Variants in DNAH12 observed in about 807,000 individuals in gnomAD.
The protein encoded by DNAH12 is axonemal beta dynein heavy chain 12.
DNAH12 carries 285 observed loss-of-function variants against 371.5 expected under a neutral mutation model. That is an observed-to-expected ratio of 0.77 (90% confidence interval 0.70 to 0.85). The LOEUF is 0.85. Ranked by LOEUF, DNAH12 falls within the 40% of genes least tolerant of loss-of-function variation. DNAH12 has a pLI of 0.00. For missense variants in DNAH12, 3,611 were observed against 3,689.4 expected (o/e 0.98, Z 0.55); for synonymous variants, 1,200 against 1,213.0 (o/e 0.99, Z 0.22).
intron 2 of DNAH12, among the ~76,000 whole-genome samples, chr3:57,533,042 A>AC (rs1345773873): frequency 1.3e-5 from 2 of 152,126 alleles, no homozygotes; most frequent in African/African-American, 4.8e-5. Context: ...TAGCACTCGA[A>AC]CCATGAGACT....
chr3:57,329,823 G>A (rs1368615502), intron 62 of DNAH12, among the ~76,000 whole-genome samples: 1 of 151,986 alleles, frequency 6.6e-6, no homozygotes, highest in Non-Finnish European at 1.5e-5. Flanking sequence ...TCTGACAAAA[G>A]GCTAATATCC....
intron 35 of DNAH12, among the ~76,000 whole-genome samples, chr3:57,423,902 C>T (rs1325176562): frequency 2.6e-5 from 4 of 151,874 alleles, no homozygotes; most frequent in Non-Finnish European, 5.9e-5. Flanking sequence ...CCACGCCTGG[C>T]TAATTTTTGT....
In DNAH12 at chr3:57,295,564, G is replaced by T; in HGVS notation, c.11653C>A (p.Leu3885Ile). Reference protein sequence around the residue: ...SGLLAEQYPKLLFDLMPIIWI... With the variant: ...SGLLAEQYPKILFDLMPIIWI... Reference sequence around the variant, plus strand: ...ATGATGGGCATCAGGTCAAACAGAAGTTTGGGATATTGTTCAGCAAGCAAT... The same window carrying T: ...ATGATGGGCATCAGGTCAAACAGAATTTTGGGATATTGTTCAGCAAGCAAT... The change falls in exon 73 of 74, where the codon CTT becomes ATT. Residue 3885 changes from leucine (L) to isoleucine (I), a missense_variant. Around this residue, in one of 3 missense-constraint regions of DNAH12, gnomAD observed 2,266 missense variants for 2,236.9 expected, o/e 1.01. Transcript: ENST00000495027. The T allele has an allele frequency of 3.9e-6, 6 of 1,544,448 alleles. No homozygotes were observed. The highest frequency in any genetic ancestry group is 5.2e-6 in the Non-Finnish European group (6 of 1,144,018).
intron 65 of DNAH12, among the ~76,000 whole-genome samples, chr3:57,321,887 G>A (rs1042560206): frequency 2.0e-5 from 3 of 152,040 alleles, no homozygotes; most frequent in Admixed American, 6.6e-5. Flanking sequence ...GTGGATATAC[G>A]AAAAAGCACT....
intron 45 of DNAH12, among the ~76,000 whole-genome samples, chr3:57,390,113 C>T (rs958816395): frequency 4.3e-4 from 64 of 148,710 alleles, no homozygotes; most frequent in Non-Finnish European, 7.3e-4. Flanking sequence ...GGATTACAGG[C>T]GTGAGCCACC....
chr3:57,468,904 A>C lies in DNAH12; in HGVS notation c.2181T>G (p.Ile727Met), dbSNP rs2066282080. Residue 727 changes from isoleucine to methionine, a missense_variant, in exon 17 of 74, where the codon ATT becomes ATG. Physicochemically the swap from Ile to Met is conservative, Grantham distance 10. This residue lies in a region of DNAH12 where 1,314 missense variants were observed against 1,398.7 expected (regional missense o/e 0.94). Transcript: ENST00000495027. ...EADVEEFSRE[I>M]FKTLKFFQTK... ...TTTGGAAAAATTTTAGTGTCTTAAA[A>C]ATTTCTCGGGAAAACTCTTCCACAT... is the stretch of plus-strand genomic sequence containing the variant. 1.3e-6 allele frequency: 2 copies of C among 1,526,344 alleles called. No homozygotes were observed. The highest frequency in any genetic ancestry group is 4.9e-5 in the East Asian group (2 of 40,526). 94.6% of individuals were successfully genotyped at this position (1,526,344 alleles called of 1,614,324 possible).
At chr3:57,344,188 G>A (rs935001891) in intron 60 of DNAH12, among the ~76,000 whole-genome samples, 1 of 152,280 alleles carries the variant, frequency 6.6e-6, no homozygotes, top group Non-Finnish European at 1.5e-5. Flanking sequence ...ATACCCACAG[G>A]TGTGGAGGGG....
At chr3:57,413,489 T>C (rs761262944) in intron 39 of DNAH12, among the ~76,000 whole-genome samples, 13 of 152,064 alleles carry the variant, frequency 8.5e-5, no homozygotes, top group Non-Finnish European at 1.5e-4. Context: ...GTAACAAATG[T>C]GCCAATTTGG....
intron 69 of DNAH12, among the ~76,000 whole-genome samples, chr3:57,304,632 G>A (rs897197832): frequency 2.0e-5 from 3 of 152,086 alleles, no homozygotes; most frequent in Non-Finnish European, 2.9e-5. Flanking sequence ...TTTTAATCAC[G>A]CAGGGGACAC....
chr3:57,336,809 G>A (rs1238277529), intron 60 of DNAH12, among the ~76,000 whole-genome samples: 1 of 152,176 alleles, frequency 6.6e-6, no homozygotes, highest in Non-Finnish European at 1.5e-5. Flanking sequence ...ATGCATCAGA[G>A]GACTGAGGTC....
intron 36 of DNAH12, among the ~76,000 whole-genome samples, chr3:57,420,015 A>G (rs1200524065): frequency 6.6e-6 from 1 of 152,242 alleles, no homozygotes; most frequent in Non-Finnish European, 1.5e-5. Context: ...AATATCACAT[A>G]AAACCACTAT....
At chr3:57,323,425 G>A (rs2061856577) in intron 63 of DNAH12, 44 bp downstream of exon 63, 2 of 1,494,384 alleles carry the variant, frequency 1.3e-6, no homozygotes, top group East Asian at 2.5e-5. Context: ...TGAGCAAGAT[G>A]TTTTATTTAT....
At chr3:57,307,589 T>A (rs9821730) in intron 69 of DNAH12, among the ~76,000 whole-genome samples, 1 of 152,052 alleles carries the variant, frequency 6.6e-6, no homozygotes, top group Admixed American at 6.5e-5. Flanking sequence ...CAACTCACTC[T>A]CTATAGTTCT....
chr3:57,340,585 A>G (rs1269431095), intron 60 of DNAH12, among the ~76,000 whole-genome samples: 8 of 152,198 alleles, frequency 5.3e-5, no homozygotes, highest in African/African-American at 1.7e-4. Context: ...CATACGACCT[A>G]TCAAGATTGA....
rs1272804493 is a variant in DNAH12, at chr3:57,309,186, A to G, written c.11154T>C (p.Asn3718=). 1.9e-6 allele frequency: 3 copies of G among 1,550,140 alleles called. No individual in the cohort carries two copies. The Admixed American group carries it at 5.9e-5, about 31-fold the overall frequency. The change falls in exon 69 of 74, where the codon AAT becomes AAC. Residue 3718 remains asparagine, a synonymous_variant. Transcript: ENST00000495027. ...KYPVRYEESM[N]TVLVQEMERF... ...TTTCCATTTCTTGTACTAACACAGTATTCATGCTTTCTTCATATCTCACAG... is the reference window on the plus strand; with the variant it reads ...TTTCCATTTCTTGTACTAACACAGTGTTCATGCTTTCTTCATATCTCACAG...
At chr3:57,500,162 C>CG (rs1433761619) in intron 11 of DNAH12, among the ~76,000 whole-genome samples, 10 of 151,442 alleles carry the variant, frequency 6.6e-5, no homozygotes, top group African/African-American at 1.7e-4. Context: ...TCCTCAGCCC[C>CG]CCCTAGTAGC....
chr3:57,499,604 G>C (rs1187229141), intron 11 of DNAH12, among the ~76,000 whole-genome samples: 1 of 109,922 alleles, frequency 9.1e-6, no homozygotes, highest in Non-Finnish European at 1.8e-5. Context: ...AACCACCTGG[G>C]GAAACATAAG....
At chr3:57,509,952 CAA>C (rs1217098208) in intron 5 of DNAH12, among the ~76,000 whole-genome samples, 2 of 145,022 alleles carry the variant, frequency 1.4e-5, no homozygotes, top group Non-Finnish European at 3.0e-5. Context: ...TGAAAATTGT[CAA>C]GAGTAGATTT....
Position 57,415,485 on chromosome 3 carries a change from C to T in DNAH12, c.5794G>A (p.Asp1932Asn), listed in dbSNP as rs765759040. 1.0e-5 allele frequency: 16 copies of T among 1,551,140 alleles called. No individual in the cohort carries two copies. Among genetic ancestry groups the T allele is most frequent in the African/African-American group, 1.4e-5 (1 of 73,004 alleles). ...KDKLMNHLEKDQYFPFYINLS... is the reference protein window; with the variant it reads ...KDKLMNHLEKNQYFPFYINLS... Reference sequence around the variant, plus strand: ...TTAATATAAAAAGGAAAGTACTGGTCCTTTTCCAAGTGATTCATTAGCTTA... The same window carrying T: ...TTAATATAAAAAGGAAAGTACTGGTTCTTTTCCAAGTGATTCATTAGCTTA... The change falls in exon 38 of 74, where the codon GAC (aspartate) becomes AAC (asparagine). Residue 1932 changes from aspartate (D) to asparagine (N), a missense_variant. Coordinates refer to ENST00000495027, the MANE Select transcript of DNAH12 (RefSeq NM_001366028.2).
Sources: gnomAD v4.1 joint callset for allele counts (sites outside exome capture counted in the v4.1 genomes callset) on GRCh38, gnomAD v4.1.1 for gene constraint, gnomAD v4.1.1 regional missense constraint, MANE v1.5 for transcripts, NCBI Gene and HGNC (gene_info 2026-07-23, HGNC 2026-07-21) for gene names.